Variants in APAF1 observed in about 807,000 individuals in gnomAD.
The protein encoded by APAF1 is apoptotic peptidase activating factor 1, also known as apoptotic protease-activating factor 1.
A neutral mutation model predicts 152.4 loss-of-function variants in APAF1; 91 were observed. The ratio of observed to expected loss-of-function variants is 0.60; its 90% CI spans 0.50 to 0.71. APAF1 has a LOEUF of 0.71. APAF1 is among the 30% of genes least tolerant of loss of function. The probability of loss-of-function intolerance (pLI) is 0.00; values close to 1 mark genes in which losing one functional copy is unlikely to be tolerated. For missense variants in APAF1, 1,283 were observed against 1,472.0 expected (o/e 0.87, Z 2.10); for synonymous variants, 484 against 494.1 (o/e 0.98, Z 0.27).
chr12:98,732,737 A>G lies in APAF1; in HGVS notation c.*171A>G. The G allele has an allele frequency of 3.4e-6, 2 of 590,666 alleles. No individual in the cohort carries two copies. The highest frequency in any genetic ancestry group is 4.2e-5 in the South Asian group (2 of 47,960). 36.6% of individuals were successfully genotyped at this position (590,666 alleles called of 1,614,324 possible). A position where few individuals can be genotyped will look rare whatever the true frequency, so the allele number is the denominator to read the frequency against. On this transcript the variant is annotated 3_prime_UTR_variant, in exon 27 of 27. Transcript: ENST00000551964. ...TAATATTAATGTAGCTTTTTCCCAAATGAACATACCTTTAATCTTGTTTTT... is the reference window on the plus strand; with the variant it reads ...TAATATTAATGTAGCTTTTTCCCAAGTGAACATACCTTTAATCTTGTTTTT...
intron 7 of APAF1, among the ~76,000 whole-genome samples, chr12:98,663,608 A>G (rs1024602211): frequency 6.6e-6 from 1 of 152,088 alleles, no homozygotes; most frequent in Non-Finnish European, 1.5e-5. Flanking sequence ...AACTCTTAAA[A>G]TTATTTCTTT....
chr12:98,725,669 T>A, intron 25 of APAF1, 129 bp downstream of exon 25: 5 of 1,307,516 alleles, frequency 3.8e-6, no homozygotes, highest in Non-Finnish European at 5.5e-6. Flanking sequence ...AGGCATTCTT[T>A]TTGTTTCTTG....
intron 24 of APAF1, among the ~76,000 whole-genome samples, chr12:98,724,040 A>C (rs1302805384): frequency 6.6e-6 from 1 of 152,244 alleles, no homozygotes; most frequent in Non-Finnish European, 1.5e-5. Context: ...AAATCATTGA[A>C]AAGCATTTAC....
At chr12:98,685,340 C>CTT (rs1215086990) in intron 15 of APAF1, among the ~76,000 whole-genome samples, 4 of 143,694 alleles carry the variant, frequency 2.8e-5, no homozygotes, top group South Asian at 4.4e-4. Flanking sequence ...ATACCCCTCC[C>CTT]TTTTTTTTTT....
chr12:98,699,384 CT>C (rs1565882345), intron 16 of APAF1, 23 bp from the exon 17 acceptor site: 1 of 1,609,296 alleles, frequency 6.2e-7, no homozygotes, highest in Admixed American at 1.7e-5. Context: ...CAAACTTTTT[CT>C]TTTTTATTAC....
At chr12:98,648,244 CTTGT>C (rs2097644479) in intron 1 of APAF1, 71 bp from the exon 2 acceptor site, 4 of 1,342,602 alleles carry the variant, frequency 3.0e-6, no homozygotes, top group South Asian at 2.5e-5. Context: ...TTTTACGTTT[CTTGT>C]TTATTAGTGA....
chr12:98,699,265 G>T, intron 16 of APAF1, 143 bp from the exon 17 acceptor site: 1 of 803,138 alleles, frequency 1.2e-6, no homozygotes, highest in Non-Finnish European at 1.9e-6. Flanking sequence ...TAATTTAAAA[G>T]CCTTACAAAA....
At chr12:98,655,560 A>C (rs1410023184) in intron 4 of APAF1, among the ~76,000 whole-genome samples, 1 of 152,258 alleles carries the variant, frequency 6.6e-6, no homozygotes, top group African/African-American at 2.4e-5. Flanking sequence ...AAAAAGAAAA[A>C]GAAATAAAAG....
intron 16 of APAF1, among the ~76,000 whole-genome samples, chr12:98,699,080 G>A (rs555607893): frequency 6.6e-6 from 1 of 152,154 alleles, no homozygotes; most frequent in Non-Finnish European, 1.5e-5. Context: ...GTGGCAAGTC[G>A]TGAGTCTCTT....
chr12:98,663,779 C>G (rs2097668562), intron 7 of APAF1, among the ~76,000 whole-genome samples: 1 of 151,406 alleles, frequency 6.6e-6, no homozygotes, highest in Non-Finnish European at 1.5e-5. Context: ...CTGCCTCAGC[C>G]TCTCGAGTAT....
chr12:98,702,858 A>G (rs2097717129), intron 17 of APAF1, among the ~76,000 whole-genome samples: 1 of 151,954 alleles, frequency 6.6e-6, no homozygotes, highest in Non-Finnish European at 1.5e-5. Flanking sequence ...AAAAAAAAAA[A>G]ATTGAAGAAA....
chr12:98,722,743 G>A (rs76325208), intron 22 of APAF1, among the ~76,000 whole-genome samples: 1,944 of 152,284 alleles, frequency 0.013, 36 homozygotes, highest in African/African-American at 0.045. Context: ...TTGTGTTTTG[G>A]TTTGAAGCTG....
chr12:98,649,825 T>A, intron 4 of APAF1, 141 bp downstream of exon 4: 2 of 805,278 alleles, frequency 2.5e-6, no homozygotes, highest in Non-Finnish European at 4.0e-6. Context: ...ATGTTAACTC[T>A]CTGAAGGGAG....
chr12:98,706,968 A>G (rs192074826), intron 19 of APAF1, among the ~76,000 whole-genome samples: 237 of 152,142 alleles, frequency 1.6e-3, no homozygotes, highest in African/African-American at 5.1e-3. Flanking sequence ...TTCATTTTCT[A>G]TTATTATCTC....
intron 12 of APAF1, among the ~76,000 whole-genome samples, chr12:98,673,812 G>A (rs2288729): frequency 0.39 from 59,131 of 151,964 alleles, 12,317 homozygotes; most frequent in African/African-American, 0.56. Context: ...AAGGAGTTTA[G>A]GCAAATAATT....
chr12:98,654,196 A>G (rs1022187549), intron 4 of APAF1, among the ~76,000 whole-genome samples: 2 of 152,202 alleles, frequency 1.3e-5, no homozygotes, highest in Non-Finnish European at 2.9e-5. Flanking sequence ...AGAGATTTAC[A>G]TATCAGATGG....
At chr12:98,674,439 G>GTCTCTCTC (rs34546993) in intron 12 of APAF1, among the ~76,000 whole-genome samples, 6 of 149,346 alleles carry the variant, frequency 4.0e-5, no homozygotes, top group African/African-American at 1.5e-4. Flanking sequence ...TGAAGTGGAG[G>GTCTCTCTC]TCTCTCTCTC....
chr12:98,686,813 C>T lies in APAF1; in HGVS notation c.2244C>T (p.His748=). 6.2e-7 allele frequency: 1 copy of T among 1,613,896 alleles called. No homozygotes were observed. The change falls in exon 16 of 27, where the codon CAC becomes CAT. Residue 748 remains histidine, a synonymous_variant. Transcript: ENST00000551964. ...TTGGTCATACAAATTCAGTCAATCA[C>T]TGCAGATTTTCACCAGATGATAAGC... The part of the protein sequence containing the change: ...TMFGHTNSVN[H]CRFSPDDKLL...
chr12:98,651,802 C>T (rs1044758556), intron 4 of APAF1, among the ~76,000 whole-genome samples: 2 of 151,826 alleles, frequency 1.3e-5, no homozygotes, highest in Admixed American at 6.6e-5. Context: ...TGGGTGCACA[C>T]GCCACCATGC....
Sources: gnomAD v4.1 joint callset for allele counts (sites outside exome capture counted in the v4.1 genomes callset) on GRCh38, gnomAD v4.1.1 for gene constraint, MANE v1.5 for transcripts, NCBI Gene and HGNC (gene_info 2026-07-23, HGNC 2026-07-21) for gene names.